The following ZNF608 variants were observed in gnomAD, a reference collection of about 807,000 sequenced individuals.
The protein encoded by ZNF608 is zinc finger protein 608.
A neutral mutation model predicts 109.0 loss-of-function variants in ZNF608; 12 were observed. That is an observed-to-expected ratio of 0.11 (90% confidence interval 0.07 to 0.18). The LOEUF (loss-of-function observed/expected upper bound fraction) is 0.18, where lower values mean the gene tolerates loss of function less well. Among genes scored for constraint, ZNF608 ranks in the 10% least tolerant of loss-of-function variants. The pLI, the probability that ZNF608 is intolerant of heterozygous loss-of-function variation, is 1.00. For synonymous variants in ZNF608, 732 were observed against 717.4 expected (o/e 1.02, Z -0.33); for missense variants, 1,707 against 1,879.3 (o/e 0.91, Z 1.70).
At chr5:124,638,520 G>A (rs1274498537) in intron 9 of ZNF608, among the ~76,000 whole-genome samples, 1 of 152,192 alleles carries the variant, frequency 6.6e-6, no homozygotes, top group Non-Finnish European at 1.5e-5. Flanking sequence ...GCCTCCCAAA[G>A]TGGTGGGACT....
intron 3 of ZNF608, among the ~76,000 whole-genome samples, chr5:124,675,054 TACA>T (rs1464260329): frequency 6.6e-6 from 1 of 152,252 alleles, no homozygotes; most frequent in East Asian, 1.9e-4. Flanking sequence ...GTTTGCCAAA[TACA>T]ACAACTAATT....
At chr5:124,662,369 C>G (rs528825537) in intron 3 of ZNF608, among the ~76,000 whole-genome samples, 1 of 152,224 alleles carries the variant, frequency 6.6e-6, no homozygotes, top group Non-Finnish European at 1.5e-5. Flanking sequence ...ATTAGCCCCA[C>G]AGGCTGATAA....
At chr5:124,734,215 C>T (rs1348202997) in intron 2 of ZNF608, among the ~76,000 whole-genome samples, 1 of 152,140 alleles carries the variant, frequency 6.6e-6, no homozygotes, top group African/African-American at 2.4e-5. Context: ...GTAAATTTCG[C>T]CGTTTACATT....
intron 3 of ZNF608, among the ~76,000 whole-genome samples, chr5:124,662,169 T>C (rs554134390): frequency 3.7e-4 from 56 of 152,368 alleles, no homozygotes; most frequent in African/African-American, 1.3e-3. Context: ...ATGACTTAAA[T>C]TGTCTTCTTC....
chr5:124,646,091 G>T (rs553078252), intron 5 of ZNF608, among the ~76,000 whole-genome samples: 4 of 152,160 alleles, frequency 2.6e-5, no homozygotes, highest in East Asian at 1.9e-4. Flanking sequence ...GGCCAGGCGC[G>T]GTGGCTCACG....
Position 124,682,270 on chromosome 5 carries a change from G to A in ZNF608, c.1162+18744C>T, listed in dbSNP as rs558999904. 2.3e-3 allele frequency among the ~76,000 whole-genome samples: 347 copies of A among 152,256 alleles called. 1 individual carries two copies. The highest frequency in any genetic ancestry group is 8.1e-3 in the African/African-American group (336 of 41,560). ...CTACTTTTAGTAGAGACAGGGTTTCGCCATGTTGGCCAGCCTGGTCTCAAA... is the reference window on the plus strand; with the variant it reads ...CTACTTTTAGTAGAGACAGGGTTTCACCATGTTGGCCAGCCTGGTCTCAAA... On this transcript the variant is annotated intron_variant, in intron 3 of 9. Transcript: ENST00000513986.
At position 124,745,111 on chromosome 5, in the gene ZNF608, C is replaced by A; in HGVS notation, c.-122G>T. The stretch of plus-strand genomic sequence containing the variant: ...AAAAAAATCTTCTAATCTTCCTCTT[C>A]TTTTTCCTGCCCCACGAATGTGTCC... On this transcript the variant is annotated 5_prime_UTR_variant, in exon 2 of 10. Coordinates refer to ENST00000513986, the MANE Select transcript of ZNF608 (RefSeq NM_020747.3). 6.9e-7 allele frequency: 1 copy of A among 1,448,774 alleles called. No homozygotes were observed. The highest frequency in any genetic ancestry group is 9.0e-7 in the Non-Finnish European group (1 of 1,109,650). 89.7% of individuals were successfully genotyped at this position (1,448,774 alleles called of 1,614,324 possible). A position where few individuals can be genotyped will look rare whatever the true frequency, so the allele number is the denominator to read the frequency against.
At chr5:124,719,486 T>C (rs568482307) in intron 2 of ZNF608, among the ~76,000 whole-genome samples, 1 of 152,344 alleles carries the variant, frequency 6.6e-6, no homozygotes, top group East Asian at 1.9e-4. Context: ...AGTGTTTTCC[T>C]GTTACTTCAT....
At chr5:124,689,731 A>G (rs1184699689) in intron 3 of ZNF608, among the ~76,000 whole-genome samples, 2 of 152,200 alleles carry the variant, frequency 1.3e-5, no homozygotes, top group Non-Finnish European at 2.9e-5. Context: ...AAAATCCACA[A>G]CACTGACAAC....
rs774772928 is a variant in ZNF608 at position 124,744,189 on chromosome 5, G to A, written c.801C>T (p.Ser267=). The stretch of plus-strand genomic sequence containing the variant: ...TGAGCCCTGAATCCGGGGCACTTTT[G>A]CTAACTTCCCCTGCAGCGGCGACGC... ...SGSVAAAGEV[S]KSAPDSGLMG... is the part of the protein sequence containing the mutation. The change falls in exon 2 of 10, where the codon AGC becomes AGT. Residue 267 remains serine (S), a synonymous_variant. Transcript: ENST00000513986. The surrounding 1 kb of genome is among the most constrained non-coding windows in gnomAD (Gnocchi z 4.5). The A allele has an allele frequency of 1.9e-6, 3 of 1,613,562 alleles. No individual in the cohort carries two copies. Among genetic ancestry groups the A allele is most frequent in the African/African-American group, 1.3e-5 (1 of 74,906 alleles).
intron 1 of ZNF608, among the ~76,000 whole-genome samples, chr5:124,745,834 T>G (rs1428464249): frequency 6.6e-6 from 1 of 152,194 alleles, no homozygotes; most frequent in Non-Finnish European, 1.5e-5. Context: ...TACAATTTCT[T>G]TTTTGAAATA....
intron 3 of ZNF608, among the ~76,000 whole-genome samples, chr5:124,657,245 T>C (rs1751050712): frequency 6.6e-6 from 1 of 152,178 alleles, no homozygotes; most frequent in Non-Finnish European, 1.5e-5. Flanking sequence ...CTGTCCCATA[T>C]GTTCACGTGG....
chr5:124,644,201 A>T, intron 6 of ZNF608, 43 bp downstream of exon 6: 2 of 1,505,026 alleles, frequency 1.3e-6, no homozygotes, highest in Non-Finnish European at 1.8e-6. Context: ...ATATTTGAAC[A>T]TCGCCTCTTT....
chr5:124,744,603 C>G lies in ZNF608; in HGVS notation c.387G>C (p.Glu129Asp). 6.2e-7 allele frequency: 1 copy of G among 1,614,226 alleles called. No individual in the cohort carries two copies. The highest frequency in any genetic ancestry group is 8.5e-7 in the Non-Finnish European group (1 of 1,180,042). The change falls in exon 2 of 10, where the codon GAG (glutamate) becomes GAC (aspartate). Residue 129 changes from glutamate to aspartate, a missense_variant. Glu to Asp is a conservative substitution (Grantham distance 45). Around this residue, in one of 7 missense-constraint regions of ZNF608, gnomAD observed 407 missense variants for 398.7 expected, o/e 1.02. Coordinates refer to ENST00000513986, the MANE Select transcript of ZNF608 (RefSeq NM_020747.3). The surrounding 1 kb of genome is among the most constrained non-coding windows in gnomAD (Gnocchi z 4.5). ...CCTGCCTCTTGCCAGTGCTGCTGAT[C>G]TCGGGAATCCCATACAAGGCAGCAG... ...LPSAALYGIP[E>D]ISSTGKRQEV...
At chr5:124,680,455 G>A (rs1229750918) in intron 3 of ZNF608, among the ~76,000 whole-genome samples, 1 of 152,078 alleles carries the variant, frequency 6.6e-6, no homozygotes, top group Non-Finnish European at 1.5e-5. Context: ...AAAGTTGGCT[G>A]CCAGCTGATC....
At chr5:124,686,662 T>A (rs1752424774) in intron 3 of ZNF608, among the ~76,000 whole-genome samples, 1 of 152,230 alleles carries the variant, frequency 6.6e-6, no homozygotes, top group Non-Finnish European at 1.5e-5. Flanking sequence ...CTTTTGCAGG[T>A]TCTCTTTAAA....
At chr5:124,668,306 C>G (rs1029991250) in intron 3 of ZNF608, among the ~76,000 whole-genome samples, 23 of 148,546 alleles carry the variant, frequency 1.5e-4, no homozygotes, top group African/African-American at 4.5e-4. Flanking sequence ...AAGGCTGAGA[C>G]CAGAGGATCA....
At chr5:124,663,203 A>G (rs1237283962) in intron 3 of ZNF608, among the ~76,000 whole-genome samples, 1 of 152,210 alleles carries the variant, frequency 6.6e-6, no homozygotes, top group Non-Finnish European at 1.5e-5. Flanking sequence ...TCAGCACTCT[A>G]AAGGGGTGGC....
rs1200916478 is a variant in ZNF608 at position 124,637,399 on chromosome 5, A to G, written c.*501T>C. On this transcript the variant is annotated 3_prime_UTR_variant, in exon 10 of 10. Transcript: ENST00000513986. ...ACCAAATAGACATCTAAATTGTACC[A>G]AAGTGTCATCATCACAGTTAGCCTT... 1 of 152,608 alleles carries G rather than the reference A, an allele frequency of 6.6e-6. No individual in the cohort carries two copies. Among genetic ancestry groups the G allele is most frequent in the African/African-American group, 2.4e-5 (1 of 41,442 alleles). 9.5% of individuals were successfully genotyped at this position (152,608 alleles called of 1,614,324 possible).
Sources: allele counts gnomAD v4.1 joint callset (sites outside exome capture counted in the v4.1 genomes callset), GRCh38; gene constraint gnomAD v4.1.1; regional missense constraint gnomAD v4.1.1; non-coding constraint Gnocchi (gnomAD v3.1); transcripts MANE v1.5; gene names NCBI Gene and HGNC (gene_info 2026-07-23, HGNC 2026-07-21).